FBXO41: variants seen among roughly 807,000 people sequenced by gnomAD.
FBXO41 encodes F-box only protein 41.
Under a neutral mutation model 81.6 loss-of-function variants are expected in FBXO41, and 33 were observed. The observed-to-expected ratio is 0.40, with a 90% CI of 0.31 to 0.54. The LOEUF is 0.54. Ranked by LOEUF, FBXO41 falls within the 20% of genes least tolerant of loss-of-function variation. The pLI, the probability that FBXO41 is intolerant of heterozygous loss-of-function variation, is 0.39. For synonymous variants in FBXO41, 576 were observed against 552.7 expected (o/e 1.04, Z -0.59); for missense variants, 1,107 against 1,236.0 (o/e 0.90, Z 1.56).
chr2:73,266,552 T>C lies in FBXO41; in HGVS notation c.1036A>G (p.Ile346Val). 1 of 1,609,506 alleles carries C rather than the reference T, an allele frequency of 6.2e-7. No individual in the cohort carries two copies. Among genetic ancestry groups the C allele is most frequent in the Non-Finnish European group, 8.5e-7 (1 of 1,178,626 alleles). Residue 346 changes from isoleucine (I) to valine (V), a missense_variant, in exon 3 of 13, where the codon ATC becomes GTC. Transcript: ENST00000520530. This position sits in a 1 kb window ranked among gnomAD's most constrained non-coding sequence, Gnocchi z 5.3. ...ADRAERQLQVISSSCGSTPSA... is the reference protein window; with the variant it reads ...ADRAERQLQVVSSSCGSTPSA... ...GGCGTGCTGCCACAGCTGCTGCTGA[T>C]GACCTGCAGCTGCCGCTCGGCACGG...
chr2:73,264,587 A>T, intron 5 of FBXO41, 68 bp from the exon 6 acceptor site: 1 of 1,592,532 alleles, frequency 6.3e-7, no homozygotes. Flanking sequence ...GTGTGTGGGG[A>T]GCTGGGGCAG....
intron 1 of FBXO41, among the ~76,000 whole-genome samples, chr2:73,275,932 G>A (rs113910000): frequency 0.12 from 17,620 of 150,194 alleles, 3,053 homozygotes; most frequent in African/African-American, 0.37. Context: ...GATTACAGGC[G>A]TATGCCACCA....
At position 73,260,882 on chromosome 2, in the gene FBXO41, G is replaced by T. The variant is rs372169842; in HGVS notation, c.2172-24C>A. 1 of 1,535,004 alleles carries T rather than the reference G, an allele frequency of 6.5e-7. No individual in the cohort carries two copies. The highest frequency in any genetic ancestry group is 1.4e-5 in the African/African-American group (1 of 72,862). ...GGCTGGAGAATGGGAAGGGGGAGCC[G>T]TCAGGGAAGTCTCTGGATGCTTGAT... On this transcript the variant is annotated intron_variant, in intron 9 of 12. Coordinates refer to ENST00000520530, the MANE Select transcript of FBXO41 (RefSeq NM_001371389.2). The surrounding 1 kb of genome is among the most constrained non-coding windows in gnomAD (Gnocchi z 5.0).
intron 8 of FBXO41, among the ~76,000 whole-genome samples, 160 bp downstream of exon 8, chr2:73,263,518 A>G (rs545343066): frequency 6.6e-6 from 1 of 152,062 alleles, no homozygotes; most frequent in East Asian, 1.9e-4. Flanking sequence ...AGTCGCCCAC[A>G]GTGGTGGCCT....
In FBXO41 at chr2:73,259,021, G is replaced by A. The variant is rs1574373992; in HGVS notation, c.2589C>T (p.Phe863=). The change falls in exon 13 of 13, where the codon TTC becomes TTT. Residue 863 remains phenylalanine (F), a synonymous_variant. Coordinates refer to ENST00000520530, the MANE Select transcript of FBXO41 (RefSeq NM_001371389.2). The surrounding 1 kb of genome is among the most constrained non-coding windows in gnomAD (Gnocchi z 4.2). Reference sequence around the variant, plus strand: ...CCACCTTGATGTGCAGAATCTTAGAGAAGCCGGGCCTCCGTCGCAGAGCCT... The same window carrying A: ...CCACCTTGATGTGCAGAATCTTAGAAAAGCCGGGCCTCCGTCGCAGAGCCT... The part of the protein sequence containing the change: ...KLQALRRRPG[F]SKILHIKVEG... The A allele has an allele frequency of 3.1e-6, 5 of 1,598,928 alleles. 1 individual carries two copies. The East Asian group carries it at 1.1e-4, about 36-fold the overall frequency.
Position 73,265,469 on chromosome 2 carries a change from G to A in FBXO41, c.1377C>T (p.Ser459=). 6.2e-7 allele frequency: 1 copy of A among 1,603,954 alleles called. No homozygotes were observed. The highest frequency in any genetic ancestry group is 1.1e-5 in the South Asian group (1 of 90,594). ...GGATGGCCTGGCGCCGCAGGCCTGAGCTGCGAGGGGGCTGGGACCGCTCTG... is the reference window on the plus strand; with the variant it reads ...GGATGGCCTGGCGCCGCAGGCCTGAACTGCGAGGGGGCTGGGACCGCTCTG... The part of the protein sequence containing the change: ...GGSERSQPPR[S]SGLRRQAIQN... Residue 459 remains serine (S), a synonymous_variant, in exon 5 of 13, where the codon AGC becomes AGT. Coordinates refer to ENST00000520530, the MANE Select transcript of FBXO41 (RefSeq NM_001371389.2).
intron 1 of FBXO41, among the ~76,000 whole-genome samples, chr2:73,270,169 CAA>C (rs1457037054): frequency 1.3e-5 from 2 of 152,070 alleles, no homozygotes; most frequent in Non-Finnish European, 2.9e-5. Context: ...GAAGCCAGAC[CAA>C]AGAGTGCATG....
chr2:73,270,236 C>G (rs1171978825), intron 1 of FBXO41, among the ~76,000 whole-genome samples: 1 of 152,152 alleles, frequency 6.6e-6, no homozygotes, highest in East Asian at 1.9e-4. Flanking sequence ...ATGATGAAGT[C>G]AGCATAGAGG....
intron 1 of FBXO41, among the ~76,000 whole-genome samples, chr2:73,276,527 C>A (rs1688684531): frequency 7.3e-6 from 1 of 136,928 alleles, no homozygotes; most frequent in African/African-American, 2.8e-5. Flanking sequence ...TTGAAAAGAC[C>A]AGCAAAATAA....
At position 73,255,811 on chromosome 2, in the gene FBXO41, T is replaced by C. The variant is rs1486594349; in HGVS notation, c.*3171A>G. ...GCAGGCCTTGGGAAGGAGGACTTTT[T>C]TTTGTTTTTCTCTTTTGAGGCAATT... On this transcript the variant is annotated 3_prime_UTR_variant, in exon 13 of 13. Transcript: ENST00000520530. 1 of 152,350 alleles carries C rather than the reference T, an allele frequency of 6.6e-6. No individual in the cohort carries two copies. The highest frequency in any genetic ancestry group is 1.5e-5 in the Non-Finnish European group (1 of 68,070). The allele number at this position is 152,350 out of a possible 1,614,324, so 9.4% of individuals were successfully genotyped here.
Position 73,269,092 on chromosome 2 carries a change from C to T in FBXO41, c.539G>A (p.Cys180Tyr). 1 of 1,506,954 alleles carries T rather than the reference C, an allele frequency of 6.6e-7. No individual in the cohort carries two copies. Among genetic ancestry groups the T allele is most frequent in the Non-Finnish European group, 8.8e-7 (1 of 1,135,476 alleles). The allele number at this position is 1,506,954 out of a possible 1,614,324, so 93.3% of individuals were successfully genotyped here. Residue 180 changes from cysteine (C) to tyrosine (Y), a missense_variant, in exon 2 of 13, where the codon TGC becomes TAC. Cys to Tyr is a radical substitution (Grantham distance 194). Around this residue, in one of 2 missense-constraint regions of FBXO41, gnomAD observed 771 missense variants for 789.2 expected, o/e 0.98. Transcript: ENST00000520530. This position sits in a 1 kb window ranked among gnomAD's most constrained non-coding sequence, Gnocchi z 7.0. Reference sequence around the variant, plus strand: ...GGGCGAAGCGGAGGCAGGCCCGGGGCAAGGGCCGGGGCCGGGGCCAGGCGG... The same window carrying T: ...GGGCGAAGCGGAGGCAGGCCCGGGGTAAGGGCCGGGGCCGGGGCCAGGCGG... Reference protein sequence around the residue: ...TPPPGPGPGPCPGPASASPAS... With the variant: ...TPPPGPGPGPYPGPASASPAS...
Position 73,259,082 on chromosome 2 carries a change from C to G in FBXO41, c.2566-38G>C. On this transcript the variant is annotated intron_variant, in intron 12 of 12. Transcript: ENST00000520530. This position sits in a 1 kb window ranked among gnomAD's most constrained non-coding sequence, Gnocchi z 4.2. ...CCCTGGGTTAGTTCTCCCTCCGTGC[C>G]AGGCAGGTGGGGCCCTCCTGCCACA... The G allele has an allele frequency of 2.5e-6, 4 of 1,607,492 alleles. No homozygotes were observed. Among genetic ancestry groups the G allele is most frequent in the Non-Finnish European group, 2.6e-6 (3 of 1,176,356 alleles).
chr2:73,269,118 C>T lies in FBXO41; in HGVS notation c.513G>A (p.Pro171=). The T allele has an allele frequency of 6.6e-7, 1 of 1,510,042 alleles. No homozygotes were observed. The highest frequency in any genetic ancestry group is 1.4e-5 in the African/African-American group (1 of 69,518). The allele number at this position is 1,510,042 out of a possible 1,614,324, so 93.5% of individuals were successfully genotyped here. ...KSVASSACST[P]PPGPGPGPCP... ...AAGGGCCGGGGCCGGGGCCAGGCGG[C>T]GGCGTCGAGCACGCCGAGGACGCCA... The change falls in exon 2 of 13, where the codon CCG becomes CCA. Residue 171 remains proline (P), a synonymous_variant. Coordinates refer to ENST00000520530, the MANE Select transcript of FBXO41 (RefSeq NM_001371389.2). This position sits in a 1 kb window ranked among gnomAD's most constrained non-coding sequence, Gnocchi z 7.0.
At chr2:73,281,880 A>G (rs900491753) in intron 1 of FBXO41, among the ~76,000 whole-genome samples, 7 of 152,276 alleles carry the variant, frequency 4.6e-5, no homozygotes, top group African/African-American at 1.7e-4. Context: ...TGAACCCAGT[A>G]CTACCTGACT....
chr2:73,278,312 T>C (rs1019878796), intron 1 of FBXO41, among the ~76,000 whole-genome samples: 26 of 152,204 alleles, frequency 1.7e-4, no homozygotes, highest in Admixed American at 1.2e-3. Context: ...TCTTTCCAGT[T>C]ATATGAATTG....
Position 73,269,692 on chromosome 2 carries a change from C to A in FBXO41, c.-62G>T. The A allele has an allele frequency of 9.0e-7, 1 of 1,105,142 alleles. No individual in the cohort carries two copies. 68.5% of individuals were successfully genotyped at this position (1,105,142 alleles called of 1,614,324 possible). On this transcript the variant is annotated 5_prime_UTR_variant, in exon 2 of 13. Transcript: ENST00000520530. The surrounding 1 kb of genome is among the most constrained non-coding windows in gnomAD (Gnocchi z 7.0). ...GGCCGCCCCGCCGGTCAGCCGGGCG[C>A]GCTCATGGGGGACCGCGGGCGAGGC... is the stretch of plus-strand genomic sequence containing the variant.
At chr2:73,262,387 C>A (rs1688050237) in intron 9 of FBXO41, among the ~76,000 whole-genome samples, 1 of 152,112 alleles carries the variant, frequency 6.6e-6, no homozygotes, top group Admixed American at 6.6e-5. Context: ...TGGAGAGAGG[C>A]AAAATGTAGG....
intron 9 of FBXO41, among the ~76,000 whole-genome samples, chr2:73,262,960 G>A (rs958554633): frequency 6.6e-6 from 1 of 152,174 alleles, no homozygotes; most frequent in Admixed American, 6.5e-5. Context: ...GGTCAGGATG[G>A]TCTCGAACTC....
chr2:73,268,658 C>CGGT (rs1185610807), intron 2 of FBXO41, 68 bp downstream of exon 2: 5 of 1,408,674 alleles, frequency 3.5e-6, no homozygotes, highest in Admixed American at 2.6e-5. Flanking sequence ...GGCACGCCCA[C>CGGT]GGTGGTGGTG....
Sources: gnomAD v4.1 joint callset for allele counts (sites outside exome capture counted in the v4.1 genomes callset) on GRCh38, gnomAD v4.1.1 for gene constraint, gnomAD v4.1.1 regional missense constraint, Gnocchi (gnomAD v3.1) non-coding constraint, MANE v1.5 for transcripts, NCBI Gene and HGNC (gene_info 2026-07-23, HGNC 2026-07-21) for gene names.